Variants in KLRD1 observed in about 807,000 individuals in gnomAD.
KLRD1 encodes the protein natural killer cells antigen CD94.
KLRD1 carries 21 observed loss-of-function variants against 22.6 expected under a neutral mutation model. The observed-to-expected ratio is 0.93, with a 90% CI of 0.66 to 1.34. KLRD1 has a LOEUF of 1.34. Ranked by LOEUF, KLRD1 falls within the 40% of genes most tolerant of loss-of-function variation. The pLI is 0.00. For missense variants in KLRD1, 183 were observed against 208.6 expected (o/e 0.88, Z 0.76); for synonymous variants, 59 against 71.1 (o/e 0.83, Z 0.85).
chr12:10,311,551 A>C lies in KLRD1; in HGVS notation c.251A>C (p.Glu84Ala), dbSNP rs757211759. Residue 84 changes from glutamate (E) to alanine (A), a missense_variant, in exon 4 of 6, where the codon GAA becomes GCA. Transcript: ENST00000336164. ...TCCAGTGAACAGAAAACTTGGAACGAAAGTCGGCATCTCTGTGCTTCTCAG... is the reference window on the plus strand; with the variant it reads ...TCCAGTGAACAGAAAACTTGGAACGCAAGTCGGCATCTCTGTGCTTCTCAG... ...FISSEQKTWNESRHLCASQKS... is the reference protein window; with the variant it reads ...FISSEQKTWNASRHLCASQKS... 1 of 1,614,158 alleles carries C rather than the reference A, an allele frequency of 6.2e-7. No homozygotes were observed. Among genetic ancestry groups the C allele is most frequent in the Non-Finnish European group, 8.5e-7 (1 of 1,179,998 alleles).
Position 10,249,511 on chromosome 12 carries a change from A to G in KLRD1, c.-101+23278A>G, listed in dbSNP as rs74529926. On this transcript the variant is annotated intron_variant, in intron 1 of 5. Coordinates refer to the KLRD1 transcript ENST00000544747. ...ACCAAAGTTATAAATATAGTAAGTG[A>G]CACAACTCAAACTAATATCTTGCCT... is the stretch of plus-strand genomic sequence containing the variant. Among the ~76,000 whole-genome samples the G allele has an allele frequency of 7.5e-3, 1,146 of 152,290 alleles. 23 individuals are homozygous for G. The highest frequency in any genetic ancestry group is 6.4e-3 in the Non-Finnish European group (438 of 68,020).
At chr12:10,281,998 A>G (rs1239976626) in intron 1 of KLRD1, among the ~76,000 whole-genome samples, 1 of 152,202 alleles carries the variant, frequency 6.6e-6, no homozygotes, top group Non-Finnish European at 1.5e-5. Flanking sequence ...GTAGCCTTCT[A>G]ATCTGAATTC....
At chr12:10,274,833 C>T (rs1949578754) in intron 1 of KLRD1, among the ~76,000 whole-genome samples, 1 of 151,974 alleles carries the variant, frequency 6.6e-6, no homozygotes, top group Non-Finnish European at 1.5e-5. Context: ...TTCCCTTAAC[C>T]ATGGTAAATA....
rs2137739558 is a variant in KLRD1 at position 10,318,009 on chromosome 12, C to T, written c.*3216C>T. The T allele has an allele frequency of 6.6e-6, 1 of 152,242 alleles. No individual in the cohort carries two copies. The highest frequency in any genetic ancestry group is 2.1e-4 in the South Asian group (1 of 4,816). 9.4% of individuals were successfully genotyped at this position (152,242 alleles called of 1,614,324 possible). On this transcript the variant is annotated 3_prime_UTR_variant, in exon 6 of 6. Coordinates refer to ENST00000336164, the MANE Select transcript of KLRD1 (RefSeq NM_002262.5). ...GGTAACTACCCCCATGATTAAATTA[C>T]CTCCTACCAGTTCCCTCACATGATA...
chr12:10,310,547 C>A (rs538522992), intron 3 of KLRD1, among the ~76,000 whole-genome samples: 2 of 152,304 alleles, frequency 1.3e-5, no homozygotes, highest in South Asian at 2.1e-4. Flanking sequence ...CGTCTGTAAT[C>A]CCAGCTCTTT....
intron 1 of KLRD1, among the ~76,000 whole-genome samples, chr12:10,244,421 T>TAG (rs1949271849): frequency 6.6e-6 from 1 of 152,090 alleles, no homozygotes; most frequent in Non-Finnish European, 1.5e-5. Flanking sequence ...GGTATCAAGC[T>TAG]CTAGAAACCA....
intron 1 of KLRD1, among the ~76,000 whole-genome samples, chr12:10,266,215 T>C (rs74062152): frequency 0.016 from 2,391 of 152,332 alleles, 52 homozygotes; most frequent in African/African-American, 0.054. Flanking sequence ...TGTACATACA[T>C]ACTTGTTTCT....
Position 10,328,256 on chromosome 12 carries a change from G to A in KLRD1, c.*13463G>A, listed in dbSNP as rs902726825. 1.3e-5 allele frequency: 2 copies of A among 151,960 alleles called. No homozygotes were observed. The highest frequency in any genetic ancestry group is 2.4e-5 in the African/African-American group (1 of 41,370). 9.4% of individuals were successfully genotyped at this position (151,960 alleles called of 1,614,324 possible). A position where few individuals can be genotyped will look rare whatever the true frequency, so the allele number is the denominator to read the frequency against. On this transcript the variant is annotated 3_prime_UTR_variant, in exon 6 of 6. Transcript: ENST00000336164. The stretch of plus-strand genomic sequence containing the variant: ...GCCATTAATTTCTCCTTAAATATTT[G>A]GTGGCTTCACCAGAAGAGCCATCTT...
rs56014357 is a variant in KLRD1, at chr12:10,251,503, C to T, written c.-101+25270C>T. Among the ~76,000 whole-genome samples, 156 of 151,982 alleles carry T rather than the reference C, an allele frequency of 1.0e-3. 1 individual carries two copies. The highest frequency in any genetic ancestry group is 3.7e-3 in the African/African-American group (153 of 41,402). On this transcript the variant is annotated intron_variant, in intron 1 of 5. Transcript: ENST00000544747. Reference sequence around the variant, plus strand: ...CCCCAAACTTTTTGGCCCCAGGGACCGGTTTCATGAAAGATAATTTTTCTA... The same window carrying T: ...CCCCAAACTTTTTGGCCCCAGGGACTGGTTTCATGAAAGATAATTTTTCTA...
rs1950253844 is a variant in KLRD1 at position 10,317,296 on chromosome 12, T to C, written c.*2503T>C. 6.6e-6 allele frequency: 1 copy of C among 152,230 alleles called. No individual in the cohort carries two copies. The highest frequency in any genetic ancestry group is 2.1e-4 in the South Asian group (1 of 4,828). The allele number at this position is 152,230 out of a possible 1,614,324, so 9.4% of individuals were successfully genotyped here. A position where few individuals can be genotyped will look rare whatever the true frequency, so the allele number is the denominator to read the frequency against. On this transcript the variant is annotated 3_prime_UTR_variant, in exon 6 of 6. Transcript: ENST00000336164. ...TTTCTGTTTTTCTCAATACATTAAT[T>C]ATTAGTTCCTCCGTTAGTTGTGAAG...
intron 1 of KLRD1, among the ~76,000 whole-genome samples, chr12:10,287,401 C>T (rs1366799208): frequency 6.6e-6 from 1 of 152,086 alleles, no homozygotes; most frequent in Admixed American, 6.5e-5. Flanking sequence ...ACTCAGACCT[C>T]TCACAGATAG....
intron 1 of KLRD1, among the ~76,000 whole-genome samples, chr12:10,268,967 CT>C (rs1269251234): frequency 1.3e-5 from 2 of 151,814 alleles, no homozygotes; most frequent in Non-Finnish European, 2.9e-5. Context: ...CTTTTGTTTT[CT>C]TTTTGTTTTT....
In KLRD1 at chr12:10,324,818, G is replaced by GTGTGTATATATATATATA. The variant is rs750696767; in HGVS notation, c.*10026_*10027insGTGTATATATATATATAT. On this transcript the variant is annotated 3_prime_UTR_variant, in exon 6 of 6. Coordinates refer to ENST00000336164, the MANE Select transcript of KLRD1 (RefSeq NM_002262.5). ...AGTATATATGTATATGTGTGTGTGT[G>GTGTGTATATATATATATA]TATATATATATATATATATATATAT... The GTGTGTATATATATATATA allele has an allele frequency of 5.0e-4, 37 of 74,152 alleles. No homozygotes were observed. The East Asian group carries it at 0.014, about 29-fold the overall frequency. The allele number at this position is 74,152 out of a possible 1,614,324, so 4.6% of individuals were successfully genotyped here.
In KLRD1 at chr12:10,324,702, T is replaced by A. The variant is rs1307419779; in HGVS notation, c.*9909T>A. The stretch of plus-strand genomic sequence containing the variant: ...GTTTTTAATATTCAGGCCTTTTATG[T>A]TTTTATGAGATTTCCCCAAAGTAGT... On this transcript the variant is annotated 3_prime_UTR_variant, in exon 6 of 6. Transcript: ENST00000336164. 6.6e-6 allele frequency: 1 copy of A among 151,150 alleles called. No individual in the cohort carries two copies. The highest frequency in any genetic ancestry group is 1.5e-5 in the Non-Finnish European group (1 of 67,762). 9.4% of individuals were successfully genotyped at this position (151,150 alleles called of 1,614,324 possible). A position where few individuals can be genotyped will look rare whatever the true frequency, so the allele number is the denominator to read the frequency against.
chr12:10,257,633 TTATTTTTC>T (rs1457304191), intron 1 of KLRD1, among the ~76,000 whole-genome samples: 1 of 133,686 alleles, frequency 7.5e-6, no homozygotes, highest in Non-Finnish European at 1.6e-5. Context: ...TTTTCTTTAG[TTATTTTTC>T]TGTTTTTTTC....
chr12:10,314,646 A>T, intron 5 of KLRD1, 27 bp from the exon 6 acceptor site: 1 of 1,530,778 alleles, frequency 6.5e-7, no homozygotes, highest in African/African-American at 1.4e-5. Flanking sequence ...CTTTTTGTGT[A>T]TGTGAACATT....
intron 1 of KLRD1, among the ~76,000 whole-genome samples, chr12:10,251,645 C>T (rs893133139): frequency 1.3e-4 from 19 of 151,678 alleles, no homozygotes; most frequent in African/African-American, 4.4e-4. Flanking sequence ...TACAACTCAC[C>T]GTAATGTAGA....
In KLRD1 at chr12:10,316,359, A is replaced by C. The variant is rs1374947660; in HGVS notation, c.*1566A>C. The C allele has an allele frequency of 6.6e-6, 1 of 152,092 alleles. No homozygotes were observed. Among genetic ancestry groups the C allele is most frequent in the Non-Finnish European group, 1.5e-5 (1 of 68,018 alleles). 9.4% of individuals were successfully genotyped at this position (152,092 alleles called of 1,614,324 possible). Reference sequence around the variant, plus strand: ...CCACATAATCCTAAAAATATGTTACAACTGCTACTTCATAGTTTATGCCAC... The same window carrying C: ...CCACATAATCCTAAAAATATGTTACCACTGCTACTTCATAGTTTATGCCAC... On this transcript the variant is annotated 3_prime_UTR_variant, in exon 6 of 6. Transcript: ENST00000336164.
In KLRD1 at chr12:10,287,575, AATAG is replaced by A. The variant is rs560312449; in HGVS notation, c.-100-20399_-100-20396del. Among the ~76,000 whole-genome samples the A allele has an allele frequency of 2.0e-5, 3 of 152,320 alleles. No individual in the cohort carries two copies. In the South Asian group the frequency reaches 6.2e-4, roughly 32 times the overall value. On this transcript the variant is annotated intron_variant, in intron 1 of 5. Coordinates refer to the KLRD1 transcript ENST00000544747. ...ATACTGAAGTATTATAAAACCTATAAATAGATATTGTTATATATAAACAGATACT... is the reference window on the plus strand; with the variant it reads ...ATACTGAAGTATTATAAAACCTATAAATATTGTTATATATAAACAGATACT...
Sources: allele counts gnomAD v4.1 joint callset (sites outside exome capture counted in the v4.1 genomes callset), GRCh38; gene constraint gnomAD v4.1.1; transcripts MANE v1.5; gene names NCBI Gene and HGNC (gene_info 2026-07-23, HGNC 2026-07-21).